Variants in BRMS1 observed in about 807,000 individuals in gnomAD.
The protein encoded by BRMS1 is BRMS1 transcriptional repressor and anoikis regulator.
Under a neutral mutation model 40.4 loss-of-function variants are expected in BRMS1, and 26 were observed. The observed-to-expected ratio is 0.64, with a 90% confidence interval of 0.47 to 0.89. The LOEUF (loss-of-function observed/expected upper bound fraction) is 0.89, where lower values mean the gene tolerates loss of function less well. BRMS1 is among the 40% of genes least tolerant of loss of function. The pLI is 0.00. For missense variants in BRMS1, 289 were observed against 309.4 expected (o/e 0.93, Z 0.49); for synonymous variants, 103 against 116.0 (o/e 0.89, Z 0.72).
Position 66,337,735 on chromosome 11 carries a change from T to TG in BRMS1, c.*146dup. The TG allele has an allele frequency of 1.9e-6, 3 of 1,612,232 alleles. No homozygotes were observed. Among genetic ancestry groups the TG allele is most frequent in the Non-Finnish European group, 2.5e-6 (3 of 1,179,528 alleles). ...AGGAGGAGTCCAGGCCAGTGCCAGA[T>TG]GGAGTGGGAGGGCCCAGCAGCACCA... On this transcript the variant is annotated 3_prime_UTR_variant, in exon 10 of 10. Coordinates refer to ENST00000359957, the MANE Select transcript of BRMS1 (RefSeq NM_015399.4).
intron 9 of BRMS1, 118 bp downstream of exon 9, chr11:66,338,125 T>C (rs1233371006): frequency 7.1e-7 from 1 of 1,416,862 alleles, no homozygotes; most frequent in Non-Finnish European, 9.7e-7. Flanking sequence ...CCTAACTTTC[T>C]TGAGCCACTG....
At position 66,337,681 on chromosome 11, in the gene BRMS1, C is replaced by T. The variant is rs372195166; in HGVS notation, c.*201G>A. 9.5e-6 allele frequency: 15 copies of T among 1,578,558 alleles called. No homozygotes were observed. Among genetic ancestry groups the T allele is most frequent in the Non-Finnish European group, 1.2e-5 (14 of 1,163,326 alleles). ...TGCCTGGTCAGGTCAGCTCCACGGC[C>T]ACAGCTGTGCAGGCCTCGAGGAGGG... On this transcript the variant is annotated 3_prime_UTR_variant, in exon 10 of 10. Coordinates refer to ENST00000359957, the MANE Select transcript of BRMS1 (RefSeq NM_015399.4).
Position 66,338,775 on chromosome 11 carries a change from G to C in BRMS1, c.639C>G (p.Ile213Met), listed in dbSNP as rs201158226. Residue 213 changes from isoleucine to methionine, a missense_variant, in exon 8 of 10, where the codon ATC becomes ATG. Ile to Met is a conservative substitution (Grantham distance 10). Coordinates refer to ENST00000359957, the MANE Select transcript of BRMS1 (RefSeq NM_015399.4). ...KKAPLVSGPY[I>M]VYMLQEIDIL... ...TGTCGATCTCTTGAAGCATGTACACGATGTATGGGCCTGTGGTGGGGGTCA... is the reference window on the plus strand; with the variant it reads ...TGTCGATCTCTTGAAGCATGTACACCATGTATGGGCCTGTGGTGGGGGTCA... 6.4e-7 allele frequency: 1 copy of C among 1,559,340 alleles called. No homozygotes were observed. The highest frequency in any genetic ancestry group is 1.4e-5 in the African/African-American group (1 of 73,202).
At position 66,342,130 on chromosome 11, in the gene BRMS1, G is replaced by C. The variant is rs772166702; in HGVS notation, c.105C>G (p.Ser35Arg). Residue 35 changes from serine to arginine, a missense_variant, in exon 2 of 10, where the codon AGC (serine) becomes AGG (arginine). Physicochemically the swap from Ser to Arg is moderately radical, Grantham distance 110. Transcript: ENST00000359957. ...CCTCTTCTGACTCTGTCTGGCTGCC[G>C]CTCCGCTCCTCCTCACTCTCTTCCT... Reference protein sequence around the residue: ...GEEEESEEERSGSQTESEEES... With the variant: ...GEEEESEEERRGSQTESEEES... The C allele has an allele frequency of 4.3e-6, 7 of 1,613,456 alleles. No homozygotes were observed. The Admixed American group carries it at 1.2e-4, about 27-fold the overall frequency.
Position 66,337,702 on chromosome 11 carries a change from G to A in BRMS1, c.*180C>T. The stretch of plus-strand genomic sequence containing the variant: ...CGGCCACAGCTGTGCAGGCCTCGAG[G>A]AGGGCAGAGGAGGAGTCCAGGCCAG... On this transcript the variant is annotated 3_prime_UTR_variant, in exon 10 of 10. Transcript: ENST00000359957. 2 of 1,602,278 alleles carry A rather than the reference G, an allele frequency of 1.2e-6. No individual in the cohort carries two copies. Among genetic ancestry groups the A allele is most frequent in the Non-Finnish European group, 8.5e-7 (1 of 1,175,090 alleles).
chr11:66,341,971 G>A lies in BRMS1; in HGVS notation c.139+125C>T, dbSNP rs1336010266. ...GCGCTTGTGTGCAGGGTCTGTGTAT[G>A]TGCTTGTGTGTAGGCGCTGTATGTG... On this transcript the variant is annotated intron_variant, in intron 2 of 9. Coordinates refer to ENST00000359957, the MANE Select transcript of BRMS1 (RefSeq NM_015399.4). This position sits in a 1 kb window ranked among gnomAD's most constrained non-coding sequence, Gnocchi z 4.9. The A allele has an allele frequency of 1.4e-5, 15 of 1,080,234 alleles. No homozygotes were observed. The African/African-American group carries it at 1.6e-4, about 11-fold the overall frequency. The allele number at this position is 1,080,234 out of a possible 1,614,324, so 66.9% of individuals were successfully genotyped here.
Position 66,341,091 on chromosome 11 carries a change from G to A in BRMS1, c.359-45C>T. The A allele has an allele frequency of 1.2e-6, 2 of 1,611,334 alleles. No homozygotes were observed. The highest frequency in any genetic ancestry group is 1.1e-5 in the South Asian group (1 of 91,036). On this transcript the variant is annotated intron_variant, in intron 4 of 9. Coordinates refer to ENST00000359957, the MANE Select transcript of BRMS1 (RefSeq NM_015399.4). This position sits in a 1 kb window ranked among gnomAD's most constrained non-coding sequence, Gnocchi z 4.9. ...GGTCCCTGCTTGGCTGGGGAGCCCG[G>A]TGCCCACATAGGAGGGCTGAGAGCA...
At position 66,340,171 on chromosome 11, in the gene BRMS1, G is replaced by A; in HGVS notation, c.578C>T (p.Ser193Phe). 6.2e-7 allele frequency: 1 copy of A among 1,613,642 alleles called. No homozygotes were observed. Among genetic ancestry groups the A allele is most frequent in the African/African-American group, 1.3e-5 (1 of 74,888 alleles). The stretch of plus-strand genomic sequence containing the variant: ...CTTGCTGGGCGGCAGGGAGTCCCAA[G>A]ACCTGGAGCTGCCTCTGGCGTGCAG... ...DKLHARGSSR[S>F]WDSLPPSKRK... The change falls in exon 7 of 10, where the codon TCT (serine) becomes TTT (phenylalanine). Residue 193 changes from serine to phenylalanine, a missense_variant. Coordinates refer to ENST00000359957, the MANE Select transcript of BRMS1 (RefSeq NM_015399.4).
Position 66,341,654 on chromosome 11 carries a change from T to C in BRMS1, c.140-31A>G, listed in dbSNP as rs1403921574. The C allele has an allele frequency of 6.3e-7, 1 of 1,593,078 alleles. No homozygotes were observed. Among genetic ancestry groups the C allele is most frequent in the South Asian group, 1.1e-5 (1 of 90,686 alleles). Reference sequence around the variant, plus strand: ...ACAAGAGGCCAGTAAGGGCTAGCTCTGGGGAGGAGTGGTGGGTACCCGCAT... The same window carrying C: ...ACAAGAGGCCAGTAAGGGCTAGCTCCGGGGAGGAGTGGTGGGTACCCGCAT... On this transcript the variant is annotated intron_variant, in intron 2 of 9. Coordinates refer to ENST00000359957, the MANE Select transcript of BRMS1 (RefSeq NM_015399.4). This position sits in a 1 kb window ranked among gnomAD's most constrained non-coding sequence, Gnocchi z 4.9.
At position 66,338,117 on chromosome 11, in the gene BRMS1, T is replaced by C; in HGVS notation, c.733+126A>G. On this transcript the variant is annotated intron_variant, in intron 9 of 9. Coordinates refer to ENST00000359957, the MANE Select transcript of BRMS1 (RefSeq NM_015399.4). The stretch of plus-strand genomic sequence containing the variant: ...CAAGCCCCTCAAATCTAGACCATCC[T>C]AACTTTCTTGAGCCACTGATTCTGA... 1.5e-6 allele frequency: 2 copies of C among 1,376,812 alleles called. 1 individual carries two copies. The highest frequency in any genetic ancestry group is 5.0e-5 in the East Asian group (2 of 40,140). The allele number at this position is 1,376,812 out of a possible 1,614,324, so 85.3% of individuals were successfully genotyped here.
chr11:66,342,049 A>T (rs1449030268), intron 2 of BRMS1, 47 bp downstream of exon 2: 2 of 891,250 alleles, frequency 2.2e-6, no homozygotes, highest in Non-Finnish European at 3.3e-6. Flanking sequence ...GTGTGTGTGT[A>T]GGGGCTCTGT....
At position 66,337,735 on chromosome 11, in the gene BRMS1, T is replaced by C; in HGVS notation, c.*147A>G. On this transcript the variant is annotated 3_prime_UTR_variant, in exon 10 of 10. Transcript: ENST00000359957. The stretch of plus-strand genomic sequence containing the variant: ...AGGAGGAGTCCAGGCCAGTGCCAGA[T>C]GGAGTGGGAGGGCCCAGCAGCACCA... 1 of 1,612,232 alleles carries C rather than the reference T, an allele frequency of 6.2e-7. No individual in the cohort carries two copies. The highest frequency in any genetic ancestry group is 8.5e-7 in the Non-Finnish European group (1 of 1,179,528).
chr11:66,339,288 CA>C (rs1169827297), intron 7 of BRMS1, among the ~76,000 whole-genome samples: 1 of 152,224 alleles, frequency 6.6e-6, no homozygotes, highest in Non-Finnish European at 1.5e-5. Flanking sequence ...GGAATACCCT[CA>C]GGGGTGCAGG....
In BRMS1 at chr11:66,340,765, C is replaced by T. The variant is rs749788627; in HGVS notation, c.535+9G>A. The T allele has an allele frequency of 3.5e-5, 57 of 1,607,548 alleles. No homozygotes were observed. Among genetic ancestry groups the T allele is most frequent in the East Asian group, 6.7e-5 (3 of 44,820 alleles). On this transcript the variant is annotated intron_variant, in intron 6 of 9. Coordinates refer to ENST00000359957, the MANE Select transcript of BRMS1 (RefSeq NM_015399.4). Reference sequence around the variant, plus strand: ...CCCAGTTCCGGGGTGCCCAGGCTCTCGCGCTTACCAGAGCTGAGGTCCAGG... The same window carrying T: ...CCCAGTTCCGGGGTGCCCAGGCTCTTGCGCTTACCAGAGCTGAGGTCCAGG...
intron 8 of BRMS1, 62 bp downstream of exon 8, chr11:66,338,659 G>C (rs1455884173): frequency 1.2e-6 from 2 of 1,612,688 alleles, no homozygotes; most frequent in Non-Finnish European, 1.7e-6. Flanking sequence ...AGATGGCAGA[G>C]CTGCTGCCAG....
At chr11:66,344,790 CA>C (rs1855165797) in intron 1 of BRMS1, 181 bp downstream of exon 1, 1 of 152,340 alleles carries the variant, frequency 6.6e-6, no homozygotes, top group African/African-American at 2.4e-5. Context: ...CCGCAGCGCC[CA>C]GGGGGCCTCC....
rs149983593 is a variant in BRMS1 at position 66,338,273 on chromosome 11, C to T, written c.703G>A (p.Ala235Thr). ...DWTAIKKARA[A>T]VSPQKRKSDG... Reference sequence around the variant, plus strand: ...GATTTTCTCTTCTGAGGGGACACAGCTGCCCTAGCCTGGGTGGGTGAGAAG... The same window carrying T: ...GATTTTCTCTTCTGAGGGGACACAGTTGCCCTAGCCTGGGTGGGTGAGAAG... Residue 235 changes from alanine (A) to threonine (T), a missense_variant, in exon 9 of 10, where the codon GCT becomes ACT. Ala to Thr is a moderately conservative substitution (Grantham distance 58). Coordinates refer to ENST00000359957, the MANE Select transcript of BRMS1 (RefSeq NM_015399.4). 166 of 1,610,214 alleles carry T rather than the reference C, an allele frequency of 1.0e-4. No individual in the cohort carries two copies. The highest frequency in any genetic ancestry group is 5.5e-4 in the Admixed American group (33 of 59,574).
At position 66,337,856 on chromosome 11, in the gene BRMS1, G is replaced by A. The variant is rs763915558; in HGVS notation, c.*26C>T. 1.6e-5 allele frequency: 26 copies of A among 1,614,070 alleles called. No homozygotes were observed. The South Asian group carries it at 2.9e-4, about 18-fold the overall frequency. Reference sequence around the variant, plus strand: ...TGGGTGCAGTGCCAGCTGCTCTGAGGGTCCCCCTGGCTGTGAACAGCAGGG... The same window carrying A: ...TGGGTGCAGTGCCAGCTGCTCTGAGAGTCCCCCTGGCTGTGAACAGCAGGG... On this transcript the variant is annotated 3_prime_UTR_variant, in exon 10 of 10. Coordinates refer to ENST00000359957, the MANE Select transcript of BRMS1 (RefSeq NM_015399.4).
Position 66,341,228 on chromosome 11 carries a change from G to A in BRMS1, c.336C>T (p.Leu112=). The change falls in exon 4 of 10, where the codon CTC becomes CTT. Residue 112 remains leucine (L), a synonymous_variant. Coordinates refer to ENST00000359957, the MANE Select transcript of BRMS1 (RefSeq NM_015399.4). This position sits in a 1 kb window ranked among gnomAD's most constrained non-coding sequence, Gnocchi z 4.9. ...TEPLGGLQRS[L]KIRIQVAGIY... is the part of the protein sequence containing the mutation. ...GACCTGCCACCTGAATGCGAATCTTGAGGCTCCGCTGCAGCCCCCCAAGGG... is the reference window on the plus strand; with the variant it reads ...GACCTGCCACCTGAATGCGAATCTTAAGGCTCCGCTGCAGCCCCCCAAGGG... 6.2e-7 allele frequency: 1 copy of A among 1,612,626 alleles called. No individual in the cohort carries two copies.
Sources: gnomAD v4.1 joint callset for allele counts (sites outside exome capture counted in the v4.1 genomes callset) on GRCh38, gnomAD v4.1.1 for gene constraint, Gnocchi (gnomAD v3.1) non-coding constraint, MANE v1.5 for transcripts, NCBI Gene and HGNC (gene_info 2026-07-23, HGNC 2026-07-21) for gene names.